TMEM185A: variants seen among roughly 807,000 people sequenced by gnomAD.
The protein encoded by TMEM185A is transmembrane protein 185A, also known as family with sequence similarity 11, member A.
In TMEM185A, 9 loss-of-function variants were observed where a neutral mutation model predicts 25.0. That is an observed-to-expected ratio of 0.36 (90% CI 0.22 to 0.63). TMEM185A has a LOEUF of 0.63. TMEM185A is among the 20% of genes least tolerant of loss of function. TMEM185A has a pLI of 0.68. For synonymous variants in TMEM185A, 45 were observed against 93.5 expected (o/e 0.48, Z 2.99); for missense variants, 103 against 237.4 (o/e 0.43, Z 3.72).
chrX:149,628,193 AC>A (rs199713958), intron 1 of TMEM185A, among the ~76,000 whole-genome samples: 2,147 of 111,806 alleles, frequency 0.019, 43 homozygotes, highest in African/African-American at 0.056. Context: ...TTCCAGTGCC[AC>A]ATGGCTACCA....
chrX:149,611,689 G>A (rs1557354523), intron 1 of TMEM185A, among the ~76,000 whole-genome samples: 1 of 112,039 alleles, frequency 8.9e-6, no homozygotes, highest in African/African-American at 3.2e-5. Flanking sequence ...ATAGAAGGAA[G>A]ACCACACAGA....
chrX:149,613,655 C>T (rs1557354745), intron 1 of TMEM185A, among the ~76,000 whole-genome samples: 1 of 112,326 alleles, frequency 8.9e-6, no homozygotes, highest in African/African-American at 3.2e-5. Flanking sequence ...ACCTAAAGAA[C>T]TGAGAGTAAT....
Position 149,608,672 on chromosome X carries a change from A to G in TMEM185A, c.378T>C (p.Ser126=), listed in dbSNP as rs2090065576. 2 of 1,210,209 alleles carry G rather than the reference A, an allele frequency of 1.7e-6. No homozygotes were observed. Among genetic ancestry groups the G allele is most frequent in the Non-Finnish European group, 2.2e-6 (2 of 895,356 alleles). ...FMPLFFVSPV[S]VAACVWGFRH... is the part of the protein sequence containing the mutation. ...GAAAGCCCCAAACGCAAGCTGCAAC[A>G]GACACCGGGGAAACAAAGAACAGCG... is the stretch of plus-strand genomic sequence containing the variant. The change falls in exon 3 of 7, where the codon TCT becomes TCC. Residue 126 remains serine, a synonymous_variant. Transcript: ENST00000600449.
chrX:149,627,933 C>T (rs1432085735), intron 1 of TMEM185A, among the ~76,000 whole-genome samples: 2 of 112,131 alleles, frequency 1.8e-5, no homozygotes, highest in African/African-American at 3.2e-5. Flanking sequence ...CCAGCAATCG[C>T]ATTCCTTTTT....
At chrX:149,602,557 T>C (rs1011067024) in intron 4 of TMEM185A, among the ~76,000 whole-genome samples, 2 of 112,535 alleles carry the variant, frequency 1.8e-5, no homozygotes, top group East Asian at 5.6e-4. Flanking sequence ...CTCAATAGGC[T>C]TCCTTGTTTT....
intron 6 of TMEM185A, 49 bp downstream of exon 6, chrX:149,599,505 G>GGGCCCCCCCCCC: frequency 3.6e-6 from 3 of 838,727 alleles, no homozygotes; most frequent in Non-Finnish European, 4.9e-6. Context: ...CCACCCCCTG[G>GGGCCCCCCCCCC]TCCCCCCCCA....
At chrX:149,623,548 T>G (rs782057933) in intron 1 of TMEM185A, among the ~76,000 whole-genome samples, 41 of 110,325 alleles carry the variant, frequency 3.7e-4, no homozygotes, top group African/African-American at 1.4e-3. Context: ...TAAAAATACC[T>G]GGGCAGCTGC....
At chrX:149,620,060 G>T (rs1037811278) in intron 1 of TMEM185A, among the ~76,000 whole-genome samples, 1 of 111,258 alleles carries the variant, frequency 9.0e-6, no homozygotes, top group Non-Finnish European at 1.9e-5. Context: ...TAGTTCAACC[G>T]TTGTGGAAGT....
intron 4 of TMEM185A, among the ~76,000 whole-genome samples, chrX:149,603,012 AAAC>A (rs1219526203): frequency 1.8e-5 from 2 of 112,176 alleles, no homozygotes; most frequent in African/African-American, 3.2e-5. Context: ...ATTATACATC[AAAC>A]AACAGAGAAA....
At position 149,608,695 on chromosome X, in the gene TMEM185A, G is replaced by T; in HGVS notation, c.355C>A (p.Leu119Met). ...SHFWLLVFMP[L>M]FFVSPVSVAA... The stretch of plus-strand genomic sequence containing the variant: ...ACAGACACCGGGGAAACAAAGAACA[G>T]CGGCATGAAGACCAGGAGCCAGAAA... Residue 119 changes from leucine to methionine, a missense_variant, in exon 3 of 7, where the codon CTG (leucine) becomes ATG (methionine). Leu to Met is a conservative substitution (Grantham distance 15, BLOSUM62 2). Coordinates refer to ENST00000600449, the MANE Select transcript of TMEM185A (RefSeq NM_032508.4). 8.3e-7 allele frequency: 1 copy of T among 1,211,856 alleles called. No homozygotes were observed. Among genetic ancestry groups the T allele is most frequent in the Non-Finnish European group, 1.1e-6 (1 of 895,529 alleles).
At chrX:149,608,385 C>A (rs2090063616) in intron 3 of TMEM185A, 1 of 282,448 alleles carries the variant, frequency 3.5e-6, no homozygotes, top group East Asian at 6.4e-5. Context: ...GGCTGGAGTG[C>A]AATGGTTCAA....
chrX:149,620,696 G>A (rs1557355455), intron 1 of TMEM185A, among the ~76,000 whole-genome samples: 1 of 111,990 alleles, frequency 8.9e-6, no homozygotes. Context: ...CCTGGAAAGG[G>A]TCTCAAGGCC....
chrX:149,604,116 T>G, intron 3 of TMEM185A, 46 bp from the exon 4 acceptor site: 1 of 917,405 alleles, frequency 1.1e-6, no homozygotes, highest in Non-Finnish European at 1.6e-6. Flanking sequence ...TAATTTGCAT[T>G]TAATACTGCA....
chrX:149,606,194 C>G (rs2090050484), intron 3 of TMEM185A, among the ~76,000 whole-genome samples: 1 of 112,538 alleles, frequency 8.9e-6, no homozygotes, highest in African/African-American at 3.2e-5. Flanking sequence ...AAGGTGCTCC[C>G]ACTCGTTACC....
intron 3 of TMEM185A, among the ~76,000 whole-genome samples, chrX:149,605,751 G>C (rs1320258421): frequency 4.5e-5 from 5 of 112,085 alleles, no homozygotes; most frequent in African/African-American, 1.6e-4. Context: ...TGACTGCCTA[G>C]TGAGGCCTTC....
At chrX:149,630,155 G>A (rs1046734984) in intron 1 of TMEM185A, among the ~76,000 whole-genome samples, 11 of 111,614 alleles carry the variant, frequency 9.9e-5, no homozygotes, top group African/African-American at 2.6e-4. Context: ...CTATGCCTTC[G>A]AAGCCAACAA....
At chrX:149,611,169 A>G (rs1327935409) in intron 2 of TMEM185A, 118 bp downstream of exon 2, 9 of 663,596 alleles carry the variant, frequency 1.4e-5, no homozygotes, top group Non-Finnish European at 1.6e-5. Context: ...CTTATACTAT[A>G]GTTCTAAGAC....
intron 1 of TMEM185A, among the ~76,000 whole-genome samples, chrX:149,613,631 T>C (rs1377445746): frequency 1.8e-5 from 2 of 112,468 alleles, no homozygotes; most frequent in Non-Finnish European, 3.8e-5. Context: ...AGTTGTGCTG[T>C]ACCCGGACTT....
At chrX:149,620,876 A>C (rs1048324254) in intron 1 of TMEM185A, among the ~76,000 whole-genome samples, 1 of 112,525 alleles carries the variant, frequency 8.9e-6, no homozygotes, top group Non-Finnish European at 1.9e-5. Context: ...TTGGACAAGA[A>C]GAGAGCCTGT....
Sources: gnomAD v4.1 joint callset for allele counts (sites outside exome capture counted in the v4.1 genomes callset) on GRCh38, gnomAD v4.1.1 for gene constraint, MANE v1.5 for transcripts, NCBI Gene and HGNC (gene_info 2026-07-23, HGNC 2026-07-21) for gene names.